Variants in TMEM266 observed in about 807,000 individuals in gnomAD.
TMEM266 encodes the protein Hv1 related protein 1.
Under a neutral mutation model 50.5 loss-of-function variants are expected in TMEM266, and 33 were observed. The ratio of observed to expected loss-of-function variants is 0.65; its 90% CI spans 0.50 to 0.87. The LOEUF (loss-of-function observed/expected upper bound fraction) is 0.87. Ranked by LOEUF, TMEM266 falls within the 40% of genes least tolerant of loss-of-function variation. The pLI, the probability that TMEM266 is intolerant of heterozygous loss-of-function variation, is 0.00. For synonymous variants in TMEM266, 310 were observed against 292.3 expected (o/e 1.06, Z -0.62); for missense variants, 655 against 695.1 (o/e 0.94, Z 0.65).
At chr15:76,177,382 T>C (rs1433248722) in intron 8 of TMEM266, among the ~76,000 whole-genome samples, 1 of 152,236 alleles carries the variant, frequency 6.6e-6, no homozygotes, top group African/African-American at 2.4e-5. Flanking sequence ...TGTTGGCTCC[T>C]CGACCAACCC....
At chr15:76,141,554 A>T (rs1471516816) in intron 3 of TMEM266, among the ~76,000 whole-genome samples, 4 of 152,064 alleles carry the variant, frequency 2.6e-5, no homozygotes, top group South Asian at 2.1e-4. Context: ...GTACTTTTTT[A>T]AAAAAGCATT....
At chr15:76,167,873 A>G (rs2038121900) in intron 5 of TMEM266, among the ~76,000 whole-genome samples, 1 of 152,134 alleles carries the variant, frequency 6.6e-6, no homozygotes, top group Admixed American at 6.5e-5. Context: ...TGTTACCTTC[A>G]TTCCTGATGG....
intron 8 of TMEM266, among the ~76,000 whole-genome samples, chr15:76,183,889 C>T (rs1197056301): frequency 1.3e-5 from 2 of 152,174 alleles, no homozygotes; most frequent in African/African-American, 2.4e-5. Flanking sequence ...CTGTCTTTCA[C>T]GTGGAGGAAC....
intron 1 of TMEM266, among the ~76,000 whole-genome samples, chr15:76,095,784 A>G (rs1010366388): frequency 7.2e-5 from 11 of 151,960 alleles, no homozygotes; most frequent in Non-Finnish European, 1.5e-4. Flanking sequence ...TACTGCCTCA[A>G]TTTCAGAACT....
intron 6 of TMEM266, among the ~76,000 whole-genome samples, 193 bp from the exon 7 acceptor site, chr15:76,170,800 A>G (rs2038175261): frequency 6.6e-6 from 1 of 152,160 alleles, no homozygotes; most frequent in Non-Finnish European, 1.5e-5. Context: ...GAGTGCATTC[A>G]GGAGAACGTC....
chr15:76,144,538 A>G (rs2037728763), intron 3 of TMEM266, among the ~76,000 whole-genome samples: 1 of 152,184 alleles, frequency 6.6e-6, no homozygotes, highest in Non-Finnish European at 1.5e-5. Flanking sequence ...TGAGGAAGGA[A>G]AGCTACCCCC....
chr15:76,063,448 C>T (rs888153806), intron 1 of TMEM266, among the ~76,000 whole-genome samples: 1 of 152,176 alleles, frequency 6.6e-6, no homozygotes, highest in Admixed American at 6.5e-5. Flanking sequence ...CTTGCTGTAC[C>T]CCCTGCCCCA....
intron 7 of TMEM266, 22 bp downstream of exon 7, chr15:76,171,153 T>TG: frequency 6.2e-6 from 10 of 1,610,344 alleles, no homozygotes; most frequent in Non-Finnish European, 8.5e-6. Flanking sequence ...GAGGGGGGTG[T>TG]GGTCAGTGGG....
rs547855152 is a variant in TMEM266, at chr15:76,124,011, TC to T, written c.-96-10154del. ...TACAGGCGTGAGCCACCGTGTCCGG[TC>T]CCAAGGGATGAATCTTGACTGGACT... On this transcript the variant is annotated intron_variant, in intron 1 of 10. Coordinates refer to ENST00000388942, the MANE Select transcript of TMEM266 (RefSeq NM_152335.3). Among the ~76,000 whole-genome samples, 25 of 151,950 alleles carry T rather than the reference TC, an allele frequency of 1.6e-4. No homozygotes were observed. The South Asian group carries it at 5.2e-3, about 32-fold the overall frequency.
intron 1 of TMEM266, among the ~76,000 whole-genome samples, chr15:76,096,489 G>T (rs1395758053): frequency 6.6e-6 from 1 of 151,998 alleles, no homozygotes; most frequent in Non-Finnish European, 1.5e-5. Flanking sequence ...TATGATTTCT[G>T]TTCTTTTGCA....
intron 1 of TMEM266, among the ~76,000 whole-genome samples, chr15:76,128,387 C>T (rs552298869): frequency 3.3e-5 from 5 of 152,246 alleles, no homozygotes; most frequent in African/African-American, 9.6e-5. Context: ...TGGCAGATCT[C>T]GCTGGAACAC....
At chr15:76,085,407 A>G (rs1371252042) in intron 1 of TMEM266, among the ~76,000 whole-genome samples, 1 of 151,582 alleles carries the variant, frequency 6.6e-6, no homozygotes, top group Non-Finnish European at 1.5e-5. Context: ...ACAGGCATGC[A>G]CCACCACACC....
intron 8 of TMEM266, among the ~76,000 whole-genome samples, chr15:76,180,207 C>A (rs1383136821): frequency 3.3e-5 from 5 of 152,096 alleles, no homozygotes; most frequent in African/African-American, 1.2e-4. Flanking sequence ...ATGAACAAAC[C>A]CACATTGATA....
rs536010997 is a variant in TMEM266 at position 76,153,001 on chromosome 15, TC to T, written c.228-3600del. Among the ~76,000 whole-genome samples the T allele has an allele frequency of 1.5e-3, 232 of 152,222 alleles. 1 individual carries two copies. The highest frequency in any genetic ancestry group is 1.7e-3 in the Non-Finnish European group (113 of 68,006). ...TCTGCCCAGTCCTCTACCTGGCTCT[TC>T]CCTGAGGCTGAGGAGTGTGCTCTGG... is the stretch of plus-strand genomic sequence containing the variant. On this transcript the variant is annotated intron_variant, in intron 3 of 10. Coordinates refer to ENST00000388942, the MANE Select transcript of TMEM266 (RefSeq NM_152335.3). This position sits in a 1 kb window ranked among gnomAD's most constrained non-coding sequence, Gnocchi z 4.2.
chr15:76,140,148 A>C (rs908568994), intron 3 of TMEM266, among the ~76,000 whole-genome samples: 2 of 152,234 alleles, frequency 1.3e-5, no homozygotes, highest in Non-Finnish European at 2.9e-5. Context: ...TGCCCAGGAA[A>C]GCTGTTCCCG....
chr15:76,097,757 G>A (rs567094723), intron 1 of TMEM266, among the ~76,000 whole-genome samples: 28 of 151,986 alleles, frequency 1.8e-4, no homozygotes, highest in Non-Finnish European at 3.4e-4. Context: ...CGTAGATTTG[G>A]TCTTTTCACA....
intron 1 of TMEM266, among the ~76,000 whole-genome samples, chr15:76,102,509 A>C (rs188955380): frequency 2.1e-4 from 32 of 152,224 alleles, no homozygotes; most frequent in African/African-American, 7.7e-4. Context: ...AGGTGGAGAA[A>C]GGTCTCAGAG....
At chr15:76,152,259 C>G (rs2037855774) in intron 3 of TMEM266, among the ~76,000 whole-genome samples, 1 of 152,176 alleles carries the variant, frequency 6.6e-6, no homozygotes, top group East Asian at 1.9e-4. Context: ...AGTGGTACCC[C>G]CAACAAGGAG....
chr15:76,186,283 G>A (rs1032852845), intron 8 of TMEM266, among the ~76,000 whole-genome samples: 2 of 152,136 alleles, frequency 1.3e-5, no homozygotes, highest in African/African-American at 4.8e-5. Context: ...AGGCCCCAAT[G>A]TCCTAGGGCC....
Sources: allele counts gnomAD v4.1 joint callset (sites outside exome capture counted in the v4.1 genomes callset), GRCh38; gene constraint gnomAD v4.1.1; non-coding constraint Gnocchi (gnomAD v3.1); transcripts MANE v1.5; gene names NCBI Gene and HGNC (gene_info 2026-07-23, HGNC 2026-07-21).